The following KLHL29 variants were observed in gnomAD, a reference collection of about 807,000 sequenced individuals.
The protein encoded by KLHL29 is kelch-like protein 29.
A neutral mutation model predicts 80.4 loss-of-function variants in KLHL29; 21 were observed. That is an observed-to-expected ratio of 0.26 (90% CI 0.19 to 0.38). KLHL29 has a LOEUF of 0.38. Among genes scored for constraint, KLHL29 ranks in the 10% least tolerant of loss-of-function variants. KLHL29 has a pLI of 1.00. For missense variants in KLHL29, 867 were observed against 1,223.9 expected (o/e 0.71, Z 4.35); for synonymous variants, 511 against 526.8 (o/e 0.97, Z 0.41).
chr2:23,589,838 AG>A lies in KLHL29; in HGVS notation c.285+27362del, dbSNP rs567409757. ...AAATTTGGGACTCAGTGACCTTTAA[AG>A]GGGGTGCTAGTTCTGTAAGCACAGG... On this transcript the variant is annotated intron_variant, in intron 3 of 13. Transcript: ENST00000486442. 4.1e-3 allele frequency among the ~76,000 whole-genome samples: 626 copies of A among 152,322 alleles called. 4 individuals are homozygous for A. Among genetic ancestry groups the A allele is most frequent in the African/African-American group, 0.014 (600 of 41,580 alleles).
At chr2:23,441,030 G>A (rs1235613915) in intron 1 of KLHL29, among the ~76,000 whole-genome samples, 1 of 152,070 alleles carries the variant, frequency 6.6e-6, no homozygotes, top group Admixed American at 6.5e-5. Flanking sequence ...ACATGCACAC[G>A]TATGTTTATT....
At chr2:23,618,091 T>G (rs1471884941) in intron 3 of KLHL29, 1 of 152,176 alleles carries the variant, frequency 6.6e-6, no homozygotes, top group Non-Finnish European at 1.5e-5. Context: ...ATTTATTTAT[T>G]GGGAAGGGAG....
At chr2:23,404,508 A>T (rs916053363) in intron 1 of KLHL29, among the ~76,000 whole-genome samples, 2 of 152,226 alleles carry the variant, frequency 1.3e-5, no homozygotes, top group Non-Finnish European at 2.9e-5. Context: ...AATTCTCTGG[A>T]ATAACCACAT....
chr2:23,567,333 T>C (rs1667612096), intron 3 of KLHL29, among the ~76,000 whole-genome samples: 1 of 152,220 alleles, frequency 6.6e-6, no homozygotes, highest in Admixed American at 6.5e-5. Flanking sequence ...GGAGCACTCA[T>C]GCTGAAACAT....
intron 3 of KLHL29, among the ~76,000 whole-genome samples, chr2:23,605,843 C>G (rs1449402072): frequency 6.6e-6 from 1 of 151,418 alleles, no homozygotes. Context: ...GATCTTGGCT[C>G]ACTGCAACCT....
chr2:23,439,334 G>A (rs374463446), intron 1 of KLHL29, among the ~76,000 whole-genome samples: 3 of 151,906 alleles, frequency 2.0e-5, no homozygotes, highest in South Asian at 2.1e-4. Flanking sequence ...GATTTTAGTT[G>A]TTTCTTGCCT....
chr2:23,460,754 T>A (rs1016314750), intron 1 of KLHL29, among the ~76,000 whole-genome samples: 1 of 143,606 alleles, frequency 7.0e-6, no homozygotes, highest in Non-Finnish European at 1.5e-5. Context: ...GAGCTTCCCG[T>A]GAAGGGAGCA....
intron 3 of KLHL29, among the ~76,000 whole-genome samples, chr2:23,623,728 T>C (rs1350010678): frequency 6.6e-6 from 1 of 152,088 alleles, no homozygotes; most frequent in Non-Finnish European, 1.5e-5. Flanking sequence ...AGTAGGTGAG[T>C]GGACATGTGC....
intron 3 of KLHL29, among the ~76,000 whole-genome samples, chr2:23,578,823 G>A (rs941860347): frequency 6.6e-6 from 1 of 152,206 alleles, no homozygotes. Flanking sequence ...CCCCGTGGCT[G>A]CCTCTCATCC....
rs532760942 is a variant in KLHL29, at chr2:23,456,792, G to C, written c.-153-18768G>C. ...AAAGGGGGTAGCTATGCCTGCACTTGGAGATGTTTCCAGGATGGCAGCCCT... is the reference window on the plus strand; with the variant it reads ...AAAGGGGGTAGCTATGCCTGCACTTCGAGATGTTTCCAGGATGGCAGCCCT... On this transcript the variant is annotated intron_variant, in intron 1 of 13. Transcript: ENST00000486442. Among the ~76,000 whole-genome samples the C allele has an allele frequency of 4.8e-4, 73 of 152,362 alleles. 1 individual carries two copies. Among genetic ancestry groups the C allele is most frequent in the Admixed American group, 2.9e-3 (45 of 15,312 alleles).
chr2:23,588,948 G>A (rs552327132), intron 3 of KLHL29, among the ~76,000 whole-genome samples: 2 of 152,306 alleles, frequency 1.3e-5, no homozygotes, highest in South Asian at 2.1e-4. Context: ...TTCAGACACC[G>A]GGCCTCCCGG....
intron 2 of KLHL29, among the ~76,000 whole-genome samples, chr2:23,533,169 C>A (rs1018894195): frequency 4.6e-5 from 7 of 152,080 alleles, no homozygotes; most frequent in Non-Finnish European, 1.0e-4. Context: ...ATACGGCAGG[C>A]CTGGGGGTCA....
At chr2:23,442,421 C>G (rs767121922) in intron 1 of KLHL29, among the ~76,000 whole-genome samples, 5 of 152,076 alleles carry the variant, frequency 3.3e-5, no homozygotes, top group Admixed American at 6.5e-5. Context: ...AAGACAGAGA[C>G]AGGAGAGTCA....
chr2:23,439,808 C>T (rs2103414020), intron 1 of KLHL29, among the ~76,000 whole-genome samples: 1 of 152,194 alleles, frequency 6.6e-6, no homozygotes, highest in Admixed American at 6.5e-5. Context: ...GTGGAGAGTT[C>T]TGTAGATGTC....
chr2:23,436,522 G>A (rs985224726), intron 1 of KLHL29, among the ~76,000 whole-genome samples: 3 of 152,114 alleles, frequency 2.0e-5, no homozygotes, highest in Non-Finnish European at 4.4e-5. Flanking sequence ...TTTAGGCACC[G>A]AGAGCTGCAC....
chr2:23,627,352 G>A (rs779238750), intron 3 of KLHL29, among the ~76,000 whole-genome samples: 28 of 152,246 alleles, frequency 1.8e-4, no homozygotes, highest in Non-Finnish European at 8.8e-5. Flanking sequence ...TCTCATTACA[G>A]ACAGCCTAAG....
chr2:23,676,510 G>A (rs1670927558), intron 5 of KLHL29, among the ~76,000 whole-genome samples: 1 of 152,194 alleles, frequency 6.6e-6, no homozygotes, highest in African/African-American at 2.4e-5. Context: ...GAGGCTTACA[G>A]CCAGCCATGG....
intron 2 of KLHL29, among the ~76,000 whole-genome samples, chr2:23,492,823 C>CT (rs1001700061): frequency 8.6e-5 from 13 of 151,942 alleles, no homozygotes; most frequent in Admixed American, 5.9e-4. Flanking sequence ...CGAACCTCCT[C>CT]TTTTTTTTGC....
chr2:23,483,179 G>C (rs1438858337), intron 2 of KLHL29, among the ~76,000 whole-genome samples: 1 of 152,114 alleles, frequency 6.6e-6, no homozygotes, highest in Non-Finnish European at 1.5e-5. Context: ...CCCTGACCCA[G>C]AGCACACACT....
Sources: gnomAD v4.1 joint callset for allele counts (sites outside exome capture counted in the v4.1 genomes callset) on GRCh38, gnomAD v4.1.1 for gene constraint, MANE v1.5 for transcripts, NCBI Gene and HGNC (gene_info 2026-07-23, HGNC 2026-07-21) for gene names.